OSBPL8: variants seen among roughly 807,000 people sequenced by gnomAD.
OSBPL8 encodes the protein oxysterol-binding protein-related protein 8.
OSBPL8 carries 59 observed loss-of-function variants against 125.5 expected under a neutral mutation model. The ratio of observed to expected loss-of-function variants is 0.47; its 90% CI spans 0.38 to 0.58. OSBPL8 has a LOEUF of 0.58. Among genes scored for constraint, OSBPL8 ranks in the 20% least tolerant of loss-of-function variants. The probability of loss-of-function intolerance (pLI) is 0.00; values close to 1 mark genes in which losing one functional copy is unlikely to be tolerated. For synonymous variants in OSBPL8, 330 were observed against 338.9 expected (o/e 0.97, Z 0.29); for missense variants, 758 against 1,047.8 (o/e 0.72, Z 3.82).
At chr12:76,441,733 A>G (rs1369407732) in intron 4 of OSBPL8, among the ~76,000 whole-genome samples, 2 of 152,036 alleles carry the variant, frequency 1.3e-5, no homozygotes, top group African/African-American at 4.8e-5. Context: ...TAAAATCAAA[A>G]CGATTGAACC....
intron 4 of OSBPL8, among the ~76,000 whole-genome samples, chr12:76,428,912 G>A (rs1870483885): frequency 6.6e-6 from 1 of 152,116 alleles, no homozygotes; most frequent in Non-Finnish European, 1.5e-5. Flanking sequence ...CAAGATGGGA[G>A]ATAATGAACT....
At chr12:76,374,194 A>G (rs893445175) in intron 17 of OSBPL8, among the ~76,000 whole-genome samples, 2 of 152,208 alleles carry the variant, frequency 1.3e-5, no homozygotes, top group African/African-American at 4.8e-5. Flanking sequence ...TAGTTTACAG[A>G]AATATTTTTA....
At position 76,450,846 on chromosome 12, in the gene OSBPL8, C is replaced by G. The variant is rs1276001238; in HGVS notation, c.217+5G>C. ...AGACAAAACATGAAAACCACAACTT[C>G]CTACCCTGGCTATGAGGACTTGCTG... On this transcript the variant is annotated splice_donor_5th_base_variant and intron_variant, in intron 4 of 23. Coordinates refer to ENST00000261183, the MANE Select transcript of OSBPL8 (RefSeq NM_020841.5). The G allele has an allele frequency of 6.2e-7, 1 of 1,603,970 alleles. No individual in the cohort carries two copies. The highest frequency in any genetic ancestry group is 1.3e-5 in the African/African-American group (1 of 74,446).
At chr12:76,474,905 A>T (rs917097466) in intron 2 of OSBPL8, among the ~76,000 whole-genome samples, 10 of 152,260 alleles carry the variant, frequency 6.6e-5, no homozygotes, top group African/African-American at 2.2e-4. Flanking sequence ...TATTAAACTT[A>T]AGTTGACTTC....
intron 2 of OSBPL8, among the ~76,000 whole-genome samples, chr12:76,475,974 G>A (rs1476030529): frequency 6.6e-6 from 1 of 152,160 alleles, no homozygotes; most frequent in Non-Finnish European, 1.5e-5. Flanking sequence ...CAGGCAGAGA[G>A]GCCAACTACT....
intron 1 of OSBPL8, among the ~76,000 whole-genome samples, chr12:76,533,498 T>C (rs1032504121): frequency 6.6e-6 from 1 of 152,188 alleles, no homozygotes; most frequent in African/African-American, 2.4e-5. Flanking sequence ...CTGACTGATG[T>C]TTCCATTTGT....
At chr12:76,541,866 A>T (rs1182903805) in intron 1 of OSBPL8, among the ~76,000 whole-genome samples, 1 of 151,776 alleles carries the variant, frequency 6.6e-6, no homozygotes, top group East Asian at 1.9e-4. Context: ...AAAAAATAAA[A>T]ATAAATAAAA....
chr12:76,420,643 ATCACTAATGAAGAACAAATCTT>A (rs1184403488), intron 4 of OSBPL8, among the ~76,000 whole-genome samples: 5 of 152,128 alleles, frequency 3.3e-5, no homozygotes, highest in Non-Finnish European at 7.4e-5. Context: ...ATCTTTAAAT[ATCACTAATGAAGAACAAATCTT>A]TCCTTCTCTA....
intron 21 of OSBPL8, among the ~76,000 whole-genome samples, chr12:76,363,433 G>A (rs1952286582): frequency 6.6e-6 from 1 of 152,158 alleles, no homozygotes; most frequent in Non-Finnish European, 1.5e-5. Context: ...TTAATAAACA[G>A]GGTTGGGAAA....
intron 2 of OSBPL8, among the ~76,000 whole-genome samples, chr12:76,470,457 T>C (rs1361160463): frequency 6.6e-6 from 1 of 152,242 alleles, no homozygotes; most frequent in East Asian, 1.9e-4. Context: ...TTTCAGTGTC[T>C]GATGCTTCAT....
At chr12:76,505,681 A>G (rs1880342762) in intron 1 of OSBPL8, among the ~76,000 whole-genome samples, 1 of 151,956 alleles carries the variant, frequency 6.6e-6, no homozygotes, top group Non-Finnish European at 1.5e-5. Context: ...AAATGACTAG[A>G]AGACCCTTCC....
chr12:76,406,257 G>A (rs1027915592), intron 5 of OSBPL8, among the ~76,000 whole-genome samples: 6 of 152,140 alleles, frequency 3.9e-5, no homozygotes, highest in African/African-American at 1.4e-4. Flanking sequence ...GGAACAACAA[G>A]GATAATGATA....
Position 76,407,671 on chromosome 12 carries a change from G to A in OSBPL8, c.288+2893C>T, listed in dbSNP as rs372281584. 4.6e-5 allele frequency among the ~76,000 whole-genome samples: 7 copies of A among 152,236 alleles called. No homozygotes were observed. The South Asian group carries it at 1.5e-3, about 32-fold the overall frequency. ...TTCAGCTCTTGGAAAATAATATGAT[G>A]AGTATAATTTTACTTATATACCAAA... is the stretch of plus-strand genomic sequence containing the variant. On this transcript the variant is annotated intron_variant, in intron 5 of 23. Coordinates refer to ENST00000261183, the MANE Select transcript of OSBPL8 (RefSeq NM_020841.5).
At chr12:76,369,565 A>C in intron 20 of OSBPL8, 72 bp downstream of exon 20, 1 of 1,479,004 alleles carries the variant, frequency 6.8e-7, no homozygotes, top group Non-Finnish European at 9.2e-7. Flanking sequence ...CTCCAGCAAC[A>C]AATATTCTAG....
chr12:76,430,714 T>C (rs534892575), intron 4 of OSBPL8, among the ~76,000 whole-genome samples: 1 of 152,292 alleles, frequency 6.6e-6, no homozygotes, highest in South Asian at 2.1e-4. Context: ...CAGAAGACAG[T>C]AGAATGATAT....
At chr12:76,415,747 ATACTGGC>A (rs1868568190) in intron 4 of OSBPL8, among the ~76,000 whole-genome samples, 1 of 152,050 alleles carries the variant, frequency 6.6e-6, no homozygotes, top group Non-Finnish European at 1.5e-5. Flanking sequence ...TTTATTTTTG[ATACTGGC>A]TAATTGTATC....
chr12:76,527,768 A>G (rs1950219371), intron 1 of OSBPL8, among the ~76,000 whole-genome samples: 1 of 152,186 alleles, frequency 6.6e-6, no homozygotes, highest in Non-Finnish European at 1.5e-5. Context: ...AGGGAACCCA[A>G]ATATTTTATA....
At chr12:76,419,009 G>C (rs906249385) in intron 4 of OSBPL8, among the ~76,000 whole-genome samples, 12 of 152,162 alleles carry the variant, frequency 7.9e-5, no homozygotes, top group African/African-American at 2.9e-4. Context: ...GCTGAGGCAG[G>C]CAGATCACTT....
intron 1 of OSBPL8, among the ~76,000 whole-genome samples, chr12:76,492,065 ATAAAT>A (rs1353341697): frequency 1.3e-5 from 2 of 152,062 alleles, no homozygotes; most frequent in African/African-American, 4.8e-5. Context: ...AATAAAAATA[ATAAAT>A]TAATAAATTA....
Sources: gnomAD v4.1 joint callset for allele counts (sites outside exome capture counted in the v4.1 genomes callset) on GRCh38, gnomAD v4.1.1 for gene constraint, MANE v1.5 for transcripts, NCBI Gene and HGNC (gene_info 2026-07-23, HGNC 2026-07-21) for gene names.